ADAMTS13: variants seen among roughly 807,000 people sequenced by gnomAD.
ADAMTS13 encodes the protein ADAM metallopeptidase with thrombospondin type 1 motif 13.
Under a neutral mutation model 155.1 loss-of-function variants are expected in ADAMTS13, and 110 were observed. The ratio of observed to expected loss-of-function variants is 0.71; its 90% CI spans 0.61 to 0.83. The LOEUF is 0.83. ADAMTS13 is among the 40% of genes least tolerant of loss of function. ADAMTS13 has a pLI of 0.00. For synonymous variants in ADAMTS13, 758 were observed against 756.4 expected, an observed-to-expected ratio of 1.00 and a Z score of -0.03; for missense variants, 1,707 against 1,891.7, an observed-to-expected ratio of 0.90 and a Z score of 1.81.
At position 133,455,380 on chromosome 9, in the gene ADAMTS13, C is replaced by T. The variant is rs782563217; in HGVS notation, c.3345C>T (p.His1115=). 6.2e-6 allele frequency: 10 copies of T among 1,612,524 alleles called. No homozygotes were observed. In the Admixed American group the frequency reaches 1.5e-4, roughly 24 times the overall value. The part of the protein sequence containing the change: ...QAPVPADFCQ[H]LPKPVTVRGC... Reference sequence around the variant, plus strand: ...CTGTGCCAGCTGATTTCTGCCAGCACTTGCCCAAGCCGGTGACTGTGCGTG... The same window carrying T: ...CTGTGCCAGCTGATTTCTGCCAGCATTTGCCCAAGCCGGTGACTGTGCGTG... Residue 1115 remains histidine, a synonymous_variant, in exon 25 of 29, where the codon CAC becomes CAT. Transcript: ENST00000355699.
At position 133,440,553 on chromosome 9, in the gene ADAMTS13, G is replaced by A; in HGVS notation, c.1968+28G>A. On this transcript the variant is annotated intron_variant, in intron 16 of 28. Transcript: ENST00000355699. The surrounding 1 kb of genome is among the most constrained non-coding windows in gnomAD (Gnocchi z 4.3). Reference sequence around the variant, plus strand: ...CAGCAGGAGAGCCTGGGGGAGGCCAGTGGGGGCTTCTTCTTGGGGGCTATG... The same window carrying A: ...CAGCAGGAGAGCCTGGGGGAGGCCAATGGGGGCTTCTTCTTGGGGGCTATG... 6.4e-7 allele frequency: 1 copy of A among 1,566,544 alleles called. No homozygotes were observed. The highest frequency in any genetic ancestry group is 2.3e-5 in the East Asian group (1 of 43,006).
At chr9:133,418,612 A>G (rs1306439173), upstream of ADAMTS13, among the ~76,000 whole-genome samples, 3 of 152,022 alleles carry the variant, frequency 2.0e-5, no homozygotes, top group Non-Finnish European at 4.4e-5. Context: ...AGGGCTTACA[A>G]CCCTAAGGGG....
chr9:133,432,986 G>C (rs1840882661), intron 9 of ADAMTS13, among the ~76,000 whole-genome samples: 1 of 151,062 alleles, frequency 6.6e-6, no homozygotes, highest in Non-Finnish European at 1.5e-5. Flanking sequence ...TGTCTCGGGG[G>C]GGATCCCTGT....
rs782785233 is a variant in ADAMTS13 at position 133,449,780 on chromosome 9, C to T, written c.2862-3C>T. The T allele has an allele frequency of 6.8e-6, 11 of 1,613,794 alleles. No homozygotes were observed. Among genetic ancestry groups the T allele is most frequent in the Non-Finnish European group, 9.3e-6 (11 of 1,180,018 alleles). On this transcript the variant is annotated splice_region_variant and splice_polypyrimidine_tract_variant and intron_variant, in intron 22 of 28. Coordinates refer to ENST00000355699, the MANE Select transcript of ADAMTS13 (RefSeq NM_139027.6). Reference sequence around the variant, plus strand: ...TGGGGTCCCTGACTCCAGTTTGCTCCAGGTGGCAGTACAAGCTGGCGGCCT... The same window carrying T: ...TGGGGTCCCTGACTCCAGTTTGCTCTAGGTGGCAGTACAAGCTGGCGGCCT...
chr9:133,449,077 G>A (rs1842262063), intron 22 of ADAMTS13, among the ~76,000 whole-genome samples: 3 of 152,232 alleles, frequency 2.0e-5, no homozygotes, highest in African/African-American at 7.2e-5. Context: ...TGTGCCCCCA[G>A]AAGACTGGGG....
At position 133,445,228 on chromosome 9, in the gene ADAMTS13, G is replaced by A. The variant is rs36221473; in HGVS notation, c.2610+176G>A. ...AAAGAAGCTTAGAAAGAGGGCTCAGGGCCCCTGGGAAGGCTCCCATTCCCC... is the reference window on the plus strand; with the variant it reads ...AAAGAAGCTTAGAAAGAGGGCTCAGAGCCCCTGGGAAGGCTCCCATTCCCC... On this transcript the variant is annotated intron_variant, in intron 20 of 28. Coordinates refer to ENST00000355699, the MANE Select transcript of ADAMTS13 (RefSeq NM_139027.6). This position sits in a 1 kb window ranked among gnomAD's most constrained non-coding sequence, Gnocchi z 5.0. Among the ~76,000 whole-genome samples, 488 of 152,326 alleles carry A rather than the reference G, an allele frequency of 3.2e-3. 1 individual carries two copies. The highest frequency in any genetic ancestry group is 0.011 in the African/African-American group (447 of 41,576).
chr9:133,449,094 A>C (rs782306945), intron 22 of ADAMTS13, among the ~76,000 whole-genome samples: 2 of 152,130 alleles, frequency 1.3e-5, no homozygotes, highest in Non-Finnish European at 2.9e-5. Context: ...GGGGGAGTTT[A>C]ATGAAAGGAT....
chr9:133,422,159 G>C (rs1353976272), upstream of ADAMTS13: 15 of 533,198 alleles, frequency 2.8e-5, no homozygotes, highest in East Asian at 3.5e-4. Flanking sequence ...CTCCTCTAAG[G>C]GGGTGGGCGT....
intron 22 of ADAMTS13, among the ~76,000 whole-genome samples, chr9:133,449,447 C>T (rs1228788614): frequency 6.6e-4 from 45 of 68,368 alleles, no homozygotes; most frequent in African/African-American, 2.4e-3. Context: ...GGAGGGCTGG[C>T]GGGGTGGGCT....
Position 133,440,377 on chromosome 9 carries a change from G to C in ADAMTS13, c.1820G>C (p.Gly607Ala). The C allele has an allele frequency of 1.9e-6, 3 of 1,613,982 alleles. No homozygotes were observed. Among genetic ancestry groups the C allele is most frequent in the Non-Finnish European group, 2.5e-6 (3 of 1,180,036 alleles). The change falls in exon 16 of 29, where the codon GGG becomes GCG. Residue 607 changes from glycine (G) to alanine (A), a missense_variant. Gly to Ala is a moderately conservative substitution (Grantham distance 60, BLOSUM62 0). This residue lies in a region of ADAMTS13 where 961 missense variants were observed against 1,107.9 expected (regional missense o/e 0.87). Transcript: ENST00000355699. This position sits in a 1 kb window ranked among gnomAD's most constrained non-coding sequence, Gnocchi z 4.3. ...ATCGGAGGGCGCTATGTCGTGGCTG[G>C]GAAGATGAGCATCTCCCCTAACACC... Reference protein sequence around the residue: ...VRIGGRYVVAGKMSISPNTTY... With the variant: ...VRIGGRYVVAAKMSISPNTTY...
At chr9:133,427,676 T>C (rs1013432885) in intron 6 of ADAMTS13, among the ~76,000 whole-genome samples, 2 of 152,242 alleles carry the variant, frequency 1.3e-5, no homozygotes, top group Admixed American at 1.3e-4. Context: ...GCAACTTTGA[T>C]TGATGTGGCA....
At chr9:133,430,213 AG>A in intron 8 of ADAMTS13, 112 bp downstream of exon 8, 1 of 1,425,244 alleles carries the variant, frequency 7.0e-7, no homozygotes, top group Non-Finnish European at 9.6e-7. Flanking sequence ...TGCTAGGCTG[AG>A]GTACTAAGCC....
At chr9:133,421,802 G>T (rs1839970702), upstream of ADAMTS13, among the ~76,000 whole-genome samples, 1 of 152,162 alleles carries the variant, frequency 6.6e-6, no homozygotes, top group South Asian at 2.1e-4. Flanking sequence ...AAGACAAGGT[G>T]AATCCCCCTG....
In ADAMTS13 at chr9:133,449,811, G is replaced by A. The variant is rs141811556; in HGVS notation, c.2890G>A (p.Val964Met). Residue 964 changes from valine to methionine, a missense_variant, in exon 23 of 29, where the codon GTG becomes ATG. Coordinates refer to ENST00000355699, the MANE Select transcript of ADAMTS13 (RefSeq NM_139027.6). ...GCAGTACAAGCTGGCGGCCTGCAGC[G>A]TGAGCTGTGGGAGAGGGGTCGTGCG... ...RWQYKLAACSVSCGRGVVRRI... is the reference protein window; with the variant it reads ...RWQYKLAACSMSCGRGVVRRI... The A allele has an allele frequency of 9.3e-5, 150 of 1,614,030 alleles. 2 individuals are homozygous for A. The African/African-American group carries it at 1.4e-3, about 15-fold the overall frequency.
At chr9:133,454,706 T>G (rs1842637960) in intron 24 of ADAMTS13, 87 bp downstream of exon 24, 2 of 1,459,894 alleles carry the variant, frequency 1.4e-6, no homozygotes, top group South Asian at 2.5e-5. Flanking sequence ...CTAGGAGGCA[T>G]TGGCTCATCG....
chr9:133,446,319 C>T (rs1197150806), intron 21 of ADAMTS13, among the ~76,000 whole-genome samples: 2 of 152,186 alleles, frequency 1.3e-5, no homozygotes, highest in Non-Finnish European at 2.9e-5. Flanking sequence ...GGAGCTCTGT[C>T]CCTGTGAAAC....
In ADAMTS13 at chr9:133,445,655, T is replaced by C; in HGVS notation, c.2611-44T>C. 1 of 1,612,218 alleles carries C rather than the reference T, an allele frequency of 6.2e-7. No homozygotes were observed. The highest frequency in any genetic ancestry group is 8.5e-7 in the Non-Finnish European group (1 of 1,179,798). ...GATCGAGACGGGGATCGCTGGGTCC[T>C]CAGAGGAGGCCCAGACCCACCAGCT... On this transcript the variant is annotated intron_variant, in intron 20 of 28. Transcript: ENST00000355699. This position sits in a 1 kb window ranked among gnomAD's most constrained non-coding sequence, Gnocchi z 5.0.
chr9:133,430,048 C>A lies in ADAMTS13; in HGVS notation c.934C>A (p.Arg312Ser). 6.3e-7 allele frequency: 1 copy of A among 1,595,774 alleles called. No individual in the cohort carries two copies. Among genetic ancestry groups the A allele is most frequent in the Non-Finnish European group, 8.5e-7 (1 of 1,176,438 alleles). Residue 312 changes from arginine to serine, a missense_variant, in exon 8 of 29, where the codon CGC becomes AGC. Arg to Ser is a moderately radical substitution (Grantham distance 110). This residue lies in a region of ADAMTS13 where 733 missense variants were observed against 749.6 expected (regional missense o/e 0.98). Coordinates refer to ENST00000355699, the MANE Select transcript of ADAMTS13 (RefSeq NM_139027.6). ...CTACTACAGCGCCAACGAGCAGTGC[C>A]GCGTGGCCTTCGGCCCCAAGGCTGT... ...GLYYSANEQCRVAFGPKAVAC... is the reference protein window; with the variant it reads ...GLYYSANEQCSVAFGPKAVAC...
chr9:133,429,736 C>T, intron 7 of ADAMTS13: 1 of 754,698 alleles, frequency 1.3e-6, no homozygotes, highest in Non-Finnish European at 2.3e-6. Flanking sequence ...TGCTGGCCAC[C>T]CACCTCTGCG....
Sources: gnomAD v4.1 joint callset for allele counts (sites outside exome capture counted in the v4.1 genomes callset) on GRCh38, gnomAD v4.1.1 for gene constraint, gnomAD v4.1.1 regional missense constraint, Gnocchi (gnomAD v3.1) non-coding constraint, MANE v1.5 for transcripts, NCBI Gene and HGNC (gene_info 2026-07-23, HGNC 2026-07-21) for gene names.